The following DUXA variants were observed in gnomAD, a reference collection of about 807,000 sequenced individuals.
DUXA encodes the protein double homeobox A, also known as double homeobox protein A.
Under a neutral mutation model 27.5 loss-of-function variants are expected in DUXA, and 25 were observed. The observed-to-expected ratio is 0.91, with a 90% CI of 0.66 to 1.27. DUXA has a LOEUF of 1.27. Ranked by LOEUF, DUXA falls within the 50% of genes most tolerant of loss-of-function variation. DUXA has a pLI of 0.00. For synonymous variants in DUXA, 90 were observed against 80.5 expected (o/e 1.12, Z -0.63); for missense variants, 247 against 242.9 (o/e 1.02, Z -0.11).
In DUXA at chr19:57,159,296, A is replaced by G. The variant is rs2087008355; in HGVS notation, c.181-18T>C. 1 of 1,607,776 alleles carries G rather than the reference A, an allele frequency of 6.2e-7. No homozygotes were observed. Among genetic ancestry groups the G allele is most frequent in the Non-Finnish European group, 8.5e-7 (1 of 1,175,462 alleles). On this transcript the variant is annotated intron_variant, in intron 2 of 5. Coordinates refer to ENST00000554048, the MANE Select transcript of DUXA (RefSeq NM_001012729.2). ...AACCAAATCTAAGTGAGGAAAAGAA[A>G]AGGAGAGAATTACGTGTTAATGTCA...
intron 1 of DUXA, among the ~76,000 whole-genome samples, chr19:57,162,330 C>T (rs149541015): frequency 9.0e-4 from 137 of 152,128 alleles, no homozygotes; most frequent in African/African-American, 2.8e-3. Flanking sequence ...GTGGAATTTT[C>T]CAATAGGAAA....
At chr19:57,163,116 G>T (rs924996846) in intron 1 of DUXA, among the ~76,000 whole-genome samples, 1 of 151,746 alleles carries the variant, frequency 6.6e-6, no homozygotes. Flanking sequence ...CCCCCAACCC[G>T]GCCAACTTCT....
In DUXA at chr19:57,159,765, T is replaced by C. The variant is rs554944081; in HGVS notation, c.181-487A>G. 1.4e-3 allele frequency among the ~76,000 whole-genome samples: 207 copies of C among 151,076 alleles called. 1 individual carries two copies. The highest frequency in any genetic ancestry group is 4.9e-3 in the African/African-American group (202 of 41,122). On this transcript the variant is annotated intron_variant, in intron 2 of 5. Coordinates refer to ENST00000554048, the MANE Select transcript of DUXA (RefSeq NM_001012729.2). ...GGCATTCACACCCAGGGCAACATTG[T>C]GTGACACCATAATCTCTACTAAAAA... is the stretch of plus-strand genomic sequence containing the variant.
intron 1 of DUXA, among the ~76,000 whole-genome samples, chr19:57,165,220 A>T (rs1268862853): frequency 6.6e-6 from 1 of 151,258 alleles, no homozygotes; most frequent in Non-Finnish European, 1.5e-5. Context: ...TACCTTGAGA[A>T]ATTGATCCTC....
chr19:57,155,673 A>ATAGATAGATAGATAGATAGATAGATAGG (rs1256137436), intron 4 of DUXA, among the ~76,000 whole-genome samples: 9 of 151,454 alleles, frequency 5.9e-5, no homozygotes, highest in Non-Finnish European at 1.0e-4. Flanking sequence ...AGATAGATAG[A>ATAGATAGATAGATAGATAGATAGATAGG]TACTTTTTTT....
Position 57,154,036 on chromosome 19 carries a change from T to C in DUXA, c.*376A>G, listed in dbSNP as rs2122685486. 1 of 159,180 alleles carries C rather than the reference T, an allele frequency of 6.3e-6. No individual in the cohort carries two copies. Among genetic ancestry groups the C allele is most frequent in the South Asian group, 1.9e-4 (1 of 5,148 alleles). The allele number at this position is 159,180 out of a possible 1,614,324, so 9.9% of individuals were successfully genotyped here. A position where few individuals can be genotyped will look rare whatever the true frequency, so the allele number is the denominator to read the frequency against. On this transcript the variant is annotated 3_prime_UTR_variant, in exon 6 of 6. Coordinates refer to ENST00000554048, the MANE Select transcript of DUXA (RefSeq NM_001012729.2). ...ACTGTGATGATTGAAAAAAGATTAT[T>C]ACCAAGTTTATTTTCATTGTCTCAA... is the stretch of plus-strand genomic sequence containing the variant.
At chr19:57,162,360 A>G (rs1356947810) in intron 1 of DUXA, among the ~76,000 whole-genome samples, 4 of 152,194 alleles carry the variant, frequency 2.6e-5, no homozygotes, top group Non-Finnish European at 5.9e-5. Flanking sequence ...ACATCACATA[A>G]TTTGCTGGAT....
intron 3 of DUXA, among the ~76,000 whole-genome samples, chr19:57,158,732 C>A (rs987354512): frequency 6.6e-6 from 1 of 152,114 alleles, no homozygotes; most frequent in South Asian, 2.1e-4. Flanking sequence ...GCCTGTAATG[C>A]CGGCACTTTA....
rs2086978598 is a variant in DUXA at position 57,154,151 on chromosome 19, ATT to A, written c.*259_*260del. 2.7e-6 allele frequency: 1 copy of A among 367,556 alleles called. No homozygotes were observed. The highest frequency in any genetic ancestry group is 2.1e-5 in the African/African-American group (1 of 47,524). 22.8% of individuals were successfully genotyped at this position (367,556 alleles called of 1,614,324 possible). On this transcript the variant is annotated 3_prime_UTR_variant, in exon 6 of 6. Coordinates refer to ENST00000554048, the MANE Select transcript of DUXA (RefSeq NM_001012729.2). ...CTGCCTCCTACAGTCCTTTTCATTT[ATT>A]TTGTTTTTTTATAATAGAGGCAGAG...
Position 57,158,618 on chromosome 19 carries a change from T to G in DUXA, c.293-145A>C, listed in dbSNP as rs959113750. 33 of 1,025,128 alleles carry G rather than the reference T, an allele frequency of 3.2e-5. No homozygotes were observed. The East Asian group carries it at 8.4e-4, about 26-fold the overall frequency. 63.5% of individuals were successfully genotyped at this position (1,025,128 alleles called of 1,614,324 possible). A position where few individuals can be genotyped will look rare whatever the true frequency, so the allele number is the denominator to read the frequency against. On this transcript the variant is annotated intron_variant, in intron 3 of 5. Transcript: ENST00000554048. ...CCTCCTGAGAGGATCTTGTCCCAGG[T>G]TCCTTCCAGGTGGAAGGTTCTAGAG...
chr19:57,162,565 T>C (rs181325419), intron 1 of DUXA, among the ~76,000 whole-genome samples: 8 of 151,222 alleles, frequency 5.3e-5, no homozygotes, highest in Non-Finnish European at 1.0e-4. Flanking sequence ...CCTGGTCCAT[T>C]GTTTTGTTTT....
At chr19:57,160,497 A>C in intron 2 of DUXA, 146 bp downstream of exon 2, 1 of 964,532 alleles carries the variant, frequency 1.0e-6, no homozygotes, top group Non-Finnish European at 1.5e-6. Context: ...TGAGGCTAAG[A>C]CCAACACCTT....
chr19:57,154,173 G>T lies in DUXA; in HGVS notation c.*239C>A. 1 of 431,162 alleles carries T rather than the reference G, an allele frequency of 2.3e-6. No individual in the cohort carries two copies. Among genetic ancestry groups the T allele is most frequent in the Non-Finnish European group, 4.2e-6 (1 of 235,798 alleles). 26.7% of individuals were successfully genotyped at this position (431,162 alleles called of 1,614,324 possible). A position where few individuals can be genotyped will look rare whatever the true frequency, so the allele number is the denominator to read the frequency against. ...TTTATTTTGTTTTTTTATAATAGAG[G>T]CAGAGTCTTGCTATATGTTGTCCAG... is the stretch of plus-strand genomic sequence containing the variant. On this transcript the variant is annotated 3_prime_UTR_variant, in exon 6 of 6. Coordinates refer to ENST00000554048, the MANE Select transcript of DUXA (RefSeq NM_001012729.2).
intron 1 of DUXA, among the ~76,000 whole-genome samples, chr19:57,166,466 C>T (rs531395965): frequency 2.6e-5 from 4 of 152,124 alleles, no homozygotes; most frequent in Non-Finnish European, 4.4e-5. Flanking sequence ...CCCACCACCA[C>T]GCCTGGTTAA....
rs1360046169 is a variant in DUXA, at chr19:57,158,422, G to C, written c.344C>G (p.Thr115Ser). The C allele has an allele frequency of 6.2e-7, 1 of 1,613,890 alleles. No homozygotes were observed. Among genetic ancestry groups the C allele is most frequent in the Non-Finnish European group, 8.5e-7 (1 of 1,180,010 alleles). ...GTTTTTCATAAATGCCTTGATGAGA[G>C]TGTGTAACTGAGAGGCGCTGTAGGT... The part of the protein sequence containing the change: ...RTTYSASQLH[T>S]LIKAFMKNPY... Residue 115 changes from threonine to serine, a missense_variant, in exon 4 of 6, where the codon ACT becomes AGT. Transcript: ENST00000554048.
chr19:57,154,462 C>T lies in DUXA; in HGVS notation c.565G>A (p.Gly189Ser). 2 of 1,613,468 alleles carry T rather than the reference C, an allele frequency of 1.2e-6. No homozygotes were observed. Residue 189 changes from glycine (G) to serine (S), a missense_variant, in exon 6 of 6, where the codon GGC (glycine) becomes AGC (serine). By Grantham distance (56) the Gly-to-Ser change is moderately conservative. Coordinates refer to ENST00000554048, the MANE Select transcript of DUXA (RefSeq NM_001012729.2). ...GLQGAEDTQN[G>S]TNFTSDSHFS... ...TGAGAGTCACTAGTGAAGTTGGTGC[C>T]ATTTTGTGTATCTTCTGCACCTAAG...
chr19:57,156,251 T>C (rs74613442), intron 4 of DUXA, among the ~76,000 whole-genome samples: 9,898 of 152,246 alleles, frequency 0.065, 743 homozygotes, highest in East Asian at 0.39. Context: ...ACATTCTTCA[T>C]CCCACAAGAC....
At chr19:57,156,133 A>G (rs572502025) in intron 4 of DUXA, among the ~76,000 whole-genome samples, 3 of 152,254 alleles carry the variant, frequency 2.0e-5, no homozygotes, top group Admixed American at 1.3e-4. Context: ...GTGACATGCT[A>G]CATTGCAGCT....
chr19:57,154,341 A>T lies in DUXA; in HGVS notation c.*71T>A, dbSNP rs2086979664. 1 of 1,413,832 alleles carries T rather than the reference A, an allele frequency of 7.1e-7. No homozygotes were observed. 87.6% of individuals were successfully genotyped at this position (1,413,832 alleles called of 1,614,324 possible). On this transcript the variant is annotated 3_prime_UTR_variant, in exon 6 of 6. Transcript: ENST00000554048. ...GCTTGCAGTTTCAGCAGAAGGATAG[A>T]CTCCCAGGAAGACCGTGAGACAGAT...
Sources: allele counts gnomAD v4.1 joint callset (sites outside exome capture counted in the v4.1 genomes callset), GRCh38; gene constraint gnomAD v4.1.1; transcripts MANE v1.5; gene names NCBI Gene and HGNC (gene_info 2026-07-23, HGNC 2026-07-21).